The following HOOK3 variants were observed in gnomAD, a reference collection of about 807,000 sequenced individuals.
HOOK3 encodes protein Hook homolog 3.
In HOOK3, 24 loss-of-function variants were observed where a neutral mutation model predicts 116.3. The ratio of observed to expected loss-of-function variants is 0.21; its 90% confidence interval spans 0.15 to 0.29. HOOK3 has a LOEUF of 0.29. HOOK3 is among the 10% of genes least tolerant of loss of function. The pLI is 1.00. For synonymous variants in HOOK3, 275 were observed against 283.0 expected (o/e 0.97, Z 0.28); for missense variants, 632 against 830.2 (o/e 0.76, Z 2.93).
intron 8 of HOOK3, among the ~76,000 whole-genome samples, chr8:42,962,796 CTTTTTTTTTTTT>C (rs34722373): frequency 2.0e-5 from 2 of 99,346 alleles, no homozygotes; most frequent in South Asian, 3.6e-4. Context: ...ACTTCTTCTT[CTTTTTTTTTTTT>C]TTTTTTTTTT....
chr8:42,979,965 C>CTTTTT (rs1194992402), intron 13 of HOOK3, among the ~76,000 whole-genome samples: 3 of 138,658 alleles, frequency 2.2e-5, no homozygotes, highest in Non-Finnish European at 3.2e-5. Flanking sequence ...TTTTTCTTTT[C>CTTTTT]TTTTTTTTTT....
chr8:42,991,878 C>T (rs748711028), intron 15 of HOOK3, among the ~76,000 whole-genome samples: 8 of 152,132 alleles, frequency 5.3e-5, no homozygotes, highest in South Asian at 2.1e-4. Context: ...TGTGAGCCAC[C>T]GCACCCAGCA....
Position 42,943,339 on chromosome 8 carries a change from T to C in HOOK3, c.294T>C (p.Phe98=). The change falls in exon 5 of 22, where the codon TTT becomes TTC. Residue 98 remains phenylalanine, a synonymous_variant. Transcript: ENST00000307602. The part of the protein sequence containing the change: ...HEILGQQIND[F]TLPDVNLIGE... Reference sequence around the variant, plus strand: ...TTTTAGGACAGCAAATTAATGACTTTACCCTTCCTGATGTGAACCTTATTG... The same window carrying C: ...TTTTAGGACAGCAAATTAATGACTTCACCCTTCCTGATGTGAACCTTATTG... 1 of 1,531,504 alleles carries C rather than the reference T, an allele frequency of 6.5e-7. No homozygotes were observed. Among genetic ancestry groups the C allele is most frequent in the Admixed American group, 2.0e-5 (1 of 50,094 alleles). The allele number at this position is 1,531,504 out of a possible 1,614,324, so 94.9% of individuals were successfully genotyped here. A position where few individuals can be genotyped will look rare whatever the true frequency, so the allele number is the denominator to read the frequency against.
At chr8:42,945,841 T>C (rs527547224) in intron 5 of HOOK3, among the ~76,000 whole-genome samples, 2 of 152,332 alleles carry the variant, frequency 1.3e-5, no homozygotes, top group South Asian at 2.1e-4. Flanking sequence ...TATTTTTGTG[T>C]ATACAGCAAG....
At chr8:42,902,758 A>G (rs976288997) in intron 1 of HOOK3, among the ~76,000 whole-genome samples, 2 of 152,336 alleles carry the variant, frequency 1.3e-5, no homozygotes, top group Admixed American at 1.3e-4. Context: ...GAGAGAGATG[A>G]AACATCCTGT....
At chr8:42,925,225 G>C (rs1807741102) in intron 2 of HOOK3, among the ~76,000 whole-genome samples, 1 of 151,792 alleles carries the variant, frequency 6.6e-6, no homozygotes, top group African/African-American at 2.4e-5. Context: ...AGCCTCCTCA[G>C]TAGCTGGGAT....
intron 1 of HOOK3, among the ~76,000 whole-genome samples, chr8:42,899,735 C>G (rs989871217): frequency 1.3e-5 from 2 of 152,170 alleles, no homozygotes; most frequent in Admixed American, 1.3e-4. Context: ...ACACAGTAAG[C>G]TAGAAGGTGA....
chr8:42,897,650 G>T (rs1382710306), intron 1 of HOOK3, among the ~76,000 whole-genome samples: 1 of 152,232 alleles, frequency 6.6e-6, no homozygotes, highest in Non-Finnish European at 1.5e-5. Flanking sequence ...ACCGCTGGCG[G>T]TGGGAGTGCG....
At chr8:42,979,022 C>G (rs1808882380) in intron 13 of HOOK3, among the ~76,000 whole-genome samples, 1 of 152,052 alleles carries the variant, frequency 6.6e-6, no homozygotes, top group African/African-American at 2.4e-5. Context: ...CTTTGGGAGG[C>G]CAAGGAAGGA....
chr8:42,900,614 A>G (rs767866546), intron 1 of HOOK3, among the ~76,000 whole-genome samples: 2 of 152,108 alleles, frequency 1.3e-5, no homozygotes, highest in Non-Finnish European at 2.9e-5. Context: ...TTGTCCTCTA[A>G]TGGAAGAATA....
intron 16 of HOOK3, among the ~76,000 whole-genome samples, chr8:42,998,888 T>C (rs1809330442): frequency 6.6e-6 from 1 of 152,248 alleles, no homozygotes; most frequent in Non-Finnish European, 1.5e-5. Context: ...CATTAGTGTA[T>C]TGAAATATTA....
At chr8:42,939,839 C>A (rs185048904) in intron 4 of HOOK3, among the ~76,000 whole-genome samples, 12 of 151,338 alleles carry the variant, frequency 7.9e-5, no homozygotes, top group African/African-American at 2.9e-4. Context: ...CCTCACATCC[C>A]GGACGGGGCG....
At chr8:42,906,376 C>T in intron 2 of HOOK3, 118 bp downstream of exon 2, 1 of 707,390 alleles carries the variant, frequency 1.4e-6, no homozygotes, top group Non-Finnish European at 2.5e-6. Context: ...TTGTAGGCGG[C>T]AGCAGCACTA....
chr8:42,907,655 T>A (rs2130325250), intron 2 of HOOK3, among the ~76,000 whole-genome samples: 1 of 152,114 alleles, frequency 6.6e-6, no homozygotes, highest in South Asian at 2.1e-4. Context: ...AATACATGAT[T>A]TTTTTGCCTA....
At chr8:42,970,780 G>GTTTTTTTTTTTTTTTTTTTTT (rs1299118892) in intron 11 of HOOK3, among the ~76,000 whole-genome samples, 1 of 127,922 alleles carries the variant, frequency 7.8e-6, no homozygotes, top group African/African-American at 3.4e-5. Context: ...AGGAATTTGG[G>GTTTTTTTTTTTTTTTTTTTTT]TCTTTTTTTT....
chr8:42,970,780 G>GTTTTTTTT (rs1299118892), intron 11 of HOOK3, among the ~76,000 whole-genome samples: 100 of 127,806 alleles, frequency 7.8e-4, no homozygotes, highest in African/African-American at 2.1e-3. Context: ...AGGAATTTGG[G>GTTTTTTTT]TCTTTTTTTT....
At chr8:42,949,516 G>C (rs944990808) in intron 5 of HOOK3, 1 of 151,938 alleles carries the variant, frequency 6.6e-6, no homozygotes, top group Admixed American at 6.5e-5. Flanking sequence ...TTAAAGCCTG[G>C]GATTATACAA....
At chr8:42,976,245 G>T (rs907470683) in intron 13 of HOOK3, among the ~76,000 whole-genome samples, 1 of 152,046 alleles carries the variant, frequency 6.6e-6, no homozygotes, top group Non-Finnish European at 1.5e-5. Flanking sequence ...TGGTGGTCAT[G>T]CCTGTAATCT....
chr8:42,964,575 C>A, intron 9 of HOOK3, 101 bp downstream of exon 9: 1 of 1,078,694 alleles, frequency 9.3e-7, no homozygotes, highest in Non-Finnish European at 1.3e-6. Flanking sequence ...GCCTGGAATC[C>A]CAGCACTTTG....
Sources: gnomAD v4.1 joint callset for allele counts (sites outside exome capture counted in the v4.1 genomes callset) on GRCh38, gnomAD v4.1.1 for gene constraint, MANE v1.5 for transcripts, NCBI Gene and HGNC (gene_info 2026-07-23, HGNC 2026-07-21) for gene names.